Variants in MAGED1 observed in about 807,000 individuals in gnomAD.
MAGED1 encodes the protein MAGE family member D1.
Under a neutral mutation model 54.1 loss-of-function variants are expected in MAGED1, and 3 were observed. The ratio of observed to expected loss-of-function variants is 0.06; its 90% CI spans 0.03 to 0.14. The LOEUF (loss-of-function observed/expected upper bound fraction) is 0.14. MAGED1 is among the 10% of genes least tolerant of loss of function. The pLI, the probability that MAGED1 is intolerant of heterozygous loss-of-function variation, is 1.00. For synonymous variants in MAGED1, 217 were observed against 227.3 expected, an observed-to-expected ratio of 0.95 and a Z score of 0.41; for missense variants, 485 against 623.4, an observed-to-expected ratio of 0.78 and a Z score of 2.36.
intron 1 of MAGED1, among the ~76,000 whole-genome samples, chrX:51,842,358 G>A (rs192558265): frequency 1.1e-4 from 12 of 112,045 alleles, no homozygotes; most frequent in African/African-American, 3.9e-4. Flanking sequence ...TTGTTTGAAT[G>A]CTTTGGTTTG....
chrX:51,877,358 C>G (rs1557362108), intron 1 of MAGED1, among the ~76,000 whole-genome samples: 1 of 111,135 alleles, frequency 9.0e-6, no homozygotes. Flanking sequence ...GTCAAAATGG[C>G]AAAGATATTT....
intron 1 of MAGED1, among the ~76,000 whole-genome samples, chrX:51,869,548 T>A (rs1927578736): frequency 9.0e-6 from 1 of 111,274 alleles, no homozygotes; most frequent in Admixed American, 9.6e-5. Context: ...TTTTATGATT[T>A]TTTTTCATTT....
At chrX:51,815,969 T>C (rs1925407059) in intron 1 of MAGED1, among the ~76,000 whole-genome samples, 1 of 112,105 alleles carries the variant, frequency 8.9e-6, no homozygotes, top group Admixed American at 9.4e-5. Flanking sequence ...TAGTGTAGCC[T>C]AAGTGTACTA....
At chrX:51,839,007 A>T (rs1926357450) in intron 1 of MAGED1, among the ~76,000 whole-genome samples, 1 of 111,587 alleles carries the variant, frequency 9.0e-6, no homozygotes, top group Admixed American at 9.5e-5. Flanking sequence ...TCAGGGAGAG[A>T]TCTATTTCTG....
intron 1 of MAGED1, among the ~76,000 whole-genome samples, chrX:51,881,196 G>A (rs1197251579): frequency 9.1e-6 from 1 of 110,303 alleles, no homozygotes; most frequent in African/African-American, 3.3e-5. Context: ...TTCTTATAAG[G>A]TCATTAATCT....
intron 1 of MAGED1, among the ~76,000 whole-genome samples, chrX:51,835,190 T>G (rs1204197196): frequency 8.9e-6 from 1 of 111,734 alleles, no homozygotes; most frequent in Non-Finnish European, 1.9e-5. Flanking sequence ...GCTGTTTAAG[T>G]TGAAAATACT....
At chrX:51,857,032 C>T (rs1371101297) in intron 1 of MAGED1, 4 of 111,316 alleles carry the variant, frequency 3.6e-5, no homozygotes, top group African/African-American at 1.3e-4. Context: ...TGTCAAAAAG[C>T]CCTTTGTCAG....
chrX:51,807,045 C>T lies in MAGED1; in HGVS notation c.-37+3928C>T, dbSNP rs1925059638. ...CTCGTGATTCTCCAGCCTCCACCTC[C>T]CAAAGTGCTGGGATTACAGGCCTGA... On this transcript the variant is annotated intron_variant, in intron 1 of 12. Coordinates refer to the MAGED1 transcript ENST00000375772. Among the ~76,000 whole-genome samples the T allele has an allele frequency of 1.8e-5, 2 of 111,557 alleles. 1 individual carries two copies. Among genetic ancestry groups the T allele is most frequent in the South Asian group, 7.6e-4 (2 of 2,633 alleles).
chrX:51,888,834 A>G (rs989274176), upstream of MAGED1, among the ~76,000 whole-genome samples: 6 of 112,438 alleles, frequency 5.3e-5, no homozygotes, highest in African/African-American at 1.9e-4. Flanking sequence ...TGCATCTCAC[A>G]GGCATTATGC....
upstream of MAGED1, among the ~76,000 whole-genome samples, chrX:51,889,769 CCCA>C (rs1278176442): frequency 1.8e-5 from 2 of 110,922 alleles, no homozygotes; most frequent in Non-Finnish European, 3.8e-5. Flanking sequence ...GGCTGCTGCT[CCCA>C]CCACCACAAC....
chrX:51,844,405 T>C (rs781908287), intron 1 of MAGED1, among the ~76,000 whole-genome samples: 1 of 112,286 alleles, frequency 8.9e-6, no homozygotes, highest in South Asian at 3.7e-4. Context: ...CTCATTAAAA[T>C]GTGACAAGAA....
At chrX:51,861,516 C>T (rs1420611527) in intron 1 of MAGED1, among the ~76,000 whole-genome samples, 1 of 111,669 alleles carries the variant, frequency 9.0e-6, no homozygotes, top group Non-Finnish European at 1.9e-5. Flanking sequence ...ATTACCTTCT[C>T]TATTCTTTTA....
chrX:51,808,664 G>A (rs958616151), intron 1 of MAGED1, among the ~76,000 whole-genome samples: 2 of 111,907 alleles, frequency 1.8e-5, no homozygotes, highest in Non-Finnish European at 3.8e-5. Flanking sequence ...AGCTGTGATT[G>A]CACCAGTGCA....
intron 1 of MAGED1, among the ~76,000 whole-genome samples, chrX:51,819,459 C>T (rs1268859706): frequency 3.6e-5 from 4 of 109,943 alleles, no homozygotes; most frequent in East Asian, 2.9e-4. Context: ...CCAGTCTCAA[C>T]GTCTAACCTA....
intron 1 of MAGED1, among the ~76,000 whole-genome samples, chrX:51,852,482 T>C (rs1386944195): frequency 8.9e-6 from 1 of 112,180 alleles, no homozygotes; most frequent in Non-Finnish European, 1.9e-5. Flanking sequence ...GTAGGTTATT[T>C]TCACTGAAAC....
upstream of MAGED1, among the ~76,000 whole-genome samples, chrX:51,891,809 A>G (rs1363605201): frequency 8.9e-6 from 1 of 112,254 alleles, no homozygotes; most frequent in African/African-American, 3.2e-5. Flanking sequence ...TGGATCTAGA[A>G]TTCATAGGCC....
chrX:51,896,239 A>G (rs191615878), intron 3 of MAGED1, 170 bp from the exon 4 acceptor site: 413 of 464,605 alleles, frequency 8.9e-4, no homozygotes, highest in African/African-American at 8.8e-3. Context: ...TGGCTCGGAG[A>G]TGAAACTCCT....
intron 11 of MAGED1, among the ~76,000 whole-genome samples, chrX:51,901,123 C>G (rs782360604): frequency 2.7e-5 from 3 of 111,604 alleles, no homozygotes; most frequent in Admixed American, 9.5e-5. Context: ...TTTAAATAAA[C>G]GACACATTAT....
chrX:51,884,965 C>G (rs1207749692), intron 1 of MAGED1, among the ~76,000 whole-genome samples: 1 of 112,270 alleles, frequency 8.9e-6, no homozygotes, highest in African/African-American at 3.2e-5. Context: ...GTAACTTCCT[C>G]AATTTGATTT....
Sources: gnomAD v4.1 joint callset for allele counts (sites outside exome capture counted in the v4.1 genomes callset) on GRCh38, gnomAD v4.1.1 for gene constraint, MANE v1.5 for transcripts, NCBI Gene and HGNC (gene_info 2026-07-23, HGNC 2026-07-21) for gene names.